The following FAT2 variants were observed in gnomAD, a reference collection of about 807,000 sequenced individuals.
FAT2 encodes protocadherin Fat 2.
In FAT2, 150 loss-of-function variants were observed where a neutral mutation model predicts 295.3. The ratio of observed to expected loss-of-function variants is 0.51; its 90% CI spans 0.44 to 0.58. The LOEUF (loss-of-function observed/expected upper bound fraction) is 0.58, where lower values mean the gene tolerates loss of function less well. Among genes scored for constraint, FAT2 ranks in the 20% least tolerant of loss-of-function variants. The pLI is 0.00. For synonymous variants in FAT2, 2,026 were observed against 2,150.3 expected (o/e 0.94, Z 1.60); for missense variants, 4,868 against 5,442.7 (o/e 0.89, Z 3.32).
In FAT2 at chr5:151,567,694, C is replaced by T. The variant is rs759158011; in HGVS notation, c.1238G>A (p.Gly413Glu). 3.7e-6 allele frequency: 6 copies of T among 1,614,090 alleles called. No homozygotes were observed. Among genetic ancestry groups the T allele is most frequent in the Non-Finnish European group, 5.1e-6 (6 of 1,180,022 alleles). The change falls in exon 2 of 24, where the codon GGG (glycine) becomes GAG (glutamate). Residue 413 changes from glycine to glutamate, a missense_variant. Gly to Glu is a moderately conservative substitution (Grantham distance 98, BLOSUM62 -2). Around this residue, in one of 5 missense-constraint regions of FAT2, gnomAD observed 3,297 missense variants for 3,669.4 expected, o/e 0.90. Transcript: ENST00000261800. Reference protein sequence around the residue: ...NVGFKLNARTGLITTTKLMDF... With the variant: ...NVGFKLNARTELITTTKLMDF... Reference sequence around the variant, plus strand: ...CATGAGCTTTGTGGTGGTGATCAACCCAGTTCGAGCATTAAGTTTAAATCC... The same window carrying T: ...CATGAGCTTTGTGGTGGTGATCAACTCAGTTCGAGCATTAAGTTTAAATCC...
intron 1 of FAT2, among the ~76,000 whole-genome samples, chr5:151,578,667 G>A (rs985804116): frequency 3.9e-5 from 6 of 152,122 alleles, no homozygotes; most frequent in African/African-American, 1.4e-4. Context: ...ATACCTGCAC[G>A]CCCATCTTTA....
In FAT2 at chr5:151,505,302, T is replaced by C; in HGVS notation, c.*263A>G. 3 of 532,560 alleles carry C rather than the reference T, an allele frequency of 5.6e-6. No individual in the cohort carries two copies. The highest frequency in any genetic ancestry group is 9.9e-6 in the Non-Finnish European group (3 of 304,164). 33.0% of individuals were successfully genotyped at this position (532,560 alleles called of 1,614,324 possible). A position where few individuals can be genotyped will look rare whatever the true frequency, so the allele number is the denominator to read the frequency against. On this transcript the variant is annotated 3_prime_UTR_variant, in exon 24 of 24. Coordinates refer to ENST00000261800, the MANE Select transcript of FAT2 (RefSeq NM_001447.3). ...TCTCGCCCACCCCGGGAGTCAATTG[T>C]TCCTGGTTTTCCAGGGTCACTGCTC...
chr5:151,537,673 A>G (rs1755593811), intron 12 of FAT2, 120 bp downstream of exon 12: 3 of 974,986 alleles, frequency 3.1e-6, no homozygotes, highest in South Asian at 1.9e-5. Context: ...TAGGGCCAAT[A>G]TATGTTTGCT....
In FAT2 at chr5:151,546,023, C is replaced by A. The variant is rs2127613695; in HGVS notation, c.5104G>T (p.Val1702Phe). ...CCAGAATATGAGTTCATAGAGAAGA[C>A]TCCATCCTTATTTCCCTCTCTTAAC... ...YELREGNKDG[V>F]FSMNSYSGLI... The change falls in exon 10 of 24, where the codon GTC becomes TTC. Residue 1702 changes from valine to phenylalanine, a missense_variant. Physicochemically the swap from Val to Phe is conservative, Grantham distance 50. Coordinates refer to ENST00000261800, the MANE Select transcript of FAT2 (RefSeq NM_001447.3). 2 of 1,614,156 alleles carry A rather than the reference C, an allele frequency of 1.2e-6. No homozygotes were observed. The highest frequency in any genetic ancestry group is 1.7e-6 in the Non-Finnish European group (2 of 1,180,038).
At chr5:151,564,476 A>C (rs893343569) in intron 2 of FAT2, among the ~76,000 whole-genome samples, 1 of 152,390 alleles carries the variant, frequency 6.6e-6, no homozygotes, top group African/African-American at 2.4e-5. Flanking sequence ...ATTAAGAGAC[A>C]AAGGTTGCTG....
Position 151,566,564 on chromosome 5 carries a change from C to T in FAT2, c.2368G>A (p.Val790Ile), listed in dbSNP as rs1384324061. ...YEATNFYILN[V>I]TVYDLGTPQK... ...GGTGTGCCCAGGTCATATACTGTTA[C>T]ATTGAGGATGTAGAAATTGGTGGCT... Residue 790 changes from valine (V) to isoleucine (I), a missense_variant, in exon 2 of 24, where the codon GTA (valine) becomes ATA (isoleucine). Coordinates refer to ENST00000261800, the MANE Select transcript of FAT2 (RefSeq NM_001447.3). The T allele has an allele frequency of 6.2e-7, 1 of 1,614,102 alleles. No individual in the cohort carries two copies.
At position 151,550,670 on chromosome 5, in the gene FAT2, CCAG is replaced by C. The variant is rs1396652242; in HGVS notation, c.4495_4497del (p.Leu1499del). On this transcript the variant is annotated inframe_deletion, in exon 8 of 24. Transcript: ENST00000261800. ...GTTACCAGGACACCACTGCTTGGGT[CCAG>C]CTGGAAGAGGCTGGCACTTCCTGGG... 6.2e-7 allele frequency: 1 copy of C among 1,614,084 alleles called. No individual in the cohort carries two copies. The highest frequency in any genetic ancestry group is 8.5e-7 in the Non-Finnish European group (1 of 1,180,046).
At chr5:151,534,367 C>G (rs777068936) in intron 13 of FAT2, 42 bp downstream of exon 13, 1 of 1,499,550 alleles carries the variant, frequency 6.7e-7, no homozygotes, top group Admixed American at 1.9e-5. Context: ...CAAGGTGACC[C>G]AGGAGATCAT....
rs2127648234 is a variant in FAT2 at position 151,567,579 on chromosome 5, G to A, written c.1353C>T (p.Cys451=). The A allele has an allele frequency of 1.9e-6, 3 of 1,614,194 alleles. No homozygotes were observed. Among genetic ancestry groups the A allele is most frequent in the South Asian group, 2.2e-5 (2 of 91,078 alleles). The change falls in exon 2 of 24, where the codon TGC becomes TGT. Residue 451 remains cysteine (C), a synonymous_variant. Coordinates refer to ENST00000261800, the MANE Select transcript of FAT2 (RefSeq NM_001447.3). The part of the protein sequence containing the change: ...STVVVIDIVD[C]NNHAPLFNRS... ...TGTTGAAGAGGGGGGCATGGTTGTT[G>A]CAGTCCACAATGTCAATGACCACCA...
rs558311208 is a variant in FAT2 at position 151,564,651 on chromosome 5, G to C, written c.3260-1012C>G. ...CAGTAGTGGGCACTCGAACAGTGCT[G>C]ACTTACACTTACTTTCCTTGAAACT... On this transcript the variant is annotated intron_variant, in intron 2 of 23. Coordinates refer to ENST00000261800, the MANE Select transcript of FAT2 (RefSeq NM_001447.3). Among the ~76,000 whole-genome samples the C allele has an allele frequency of 2.0e-5, 3 of 152,282 alleles. No individual in the cohort carries two copies. In the South Asian group the frequency reaches 6.2e-4, roughly 32 times the overall value.
intron 9 of FAT2, among the ~76,000 whole-genome samples, chr5:151,548,130 G>C (rs1756835211): frequency 6.6e-6 from 1 of 152,046 alleles, no homozygotes. Flanking sequence ...TATGGCAACT[G>C]TTTCTTCCAA....
intron 3 of FAT2, among the ~76,000 whole-genome samples, chr5:151,562,140 A>T (rs35957412): frequency 4.6e-5 from 7 of 151,790 alleles, no homozygotes; most frequent in Admixed American, 6.6e-5. Flanking sequence ...AAATGTTACC[A>T]GGCAAATAGG....
At position 151,575,664 on chromosome 5, in the gene FAT2, T is replaced by A. The variant is rs560043869; in HGVS notation, c.-20-6713A>T. On this transcript the variant is annotated intron_variant, in intron 1 of 23. Transcript: ENST00000261800. ...ATTGAGGCTTGGATAATTTGAAGAC[T>A]GTGCCCAGGTTCACTCGTCTAGTAG... Among the ~76,000 whole-genome samples the A allele has an allele frequency of 5.6e-4, 86 of 152,348 alleles. 1 individual carries two copies. The highest frequency in any genetic ancestry group is 9.4e-4 in the Non-Finnish European group (64 of 68,028).
In FAT2 at chr5:151,568,134, G is replaced by T; in HGVS notation, c.798C>A (p.Ser266Arg). Reference sequence around the variant, plus strand: ...CAGTGGCATAGGTGGTACCATCATTGCTGTCTGGTGGAGTCACCACCACCG... The same window carrying T: ...CAGTGGCATAGGTGGTACCATCATTTCTGTCTGGTGGAGTCACCACCACCG... ...IASVVVTPPD[S>R]NDGTTYATVL... The change falls in exon 2 of 24, where the codon AGC (serine) becomes AGA (arginine). Residue 266 changes from serine to arginine, a missense_variant. Coordinates refer to ENST00000261800, the MANE Select transcript of FAT2 (RefSeq NM_001447.3). 2.5e-6 allele frequency: 4 copies of T among 1,614,182 alleles called. No individual in the cohort carries two copies. Among genetic ancestry groups the T allele is most frequent in the Non-Finnish European group, 3.4e-6 (4 of 1,180,032 alleles).
chr5:151,516,727 G>A (rs1005949845), intron 20 of FAT2, among the ~76,000 whole-genome samples: 9 of 152,198 alleles, frequency 5.9e-5, no homozygotes, highest in Non-Finnish European at 1.0e-4. Flanking sequence ...ACCTAGGACA[G>A]TGCCTGTCAC....
chr5:151,509,961 A>C (rs1431011291), intron 22 of FAT2, 60 bp downstream of exon 22: 11 of 1,580,292 alleles, frequency 7.0e-6, no homozygotes, highest in Non-Finnish European at 9.5e-6. Context: ...TCTAGAGGTC[A>C]GAGTACAGAG....
At chr5:151,518,922 G>T (rs761201546) in intron 19 of FAT2, among the ~76,000 whole-genome samples, 1 of 152,206 alleles carries the variant, frequency 6.6e-6, no homozygotes, top group Admixed American at 6.5e-5. Flanking sequence ...CTTGTCAGTT[G>T]TCAGGGGAGA....
chr5:151,522,227 GAAAA>G (rs5872209), intron 18 of FAT2, 141 bp from the exon 19 acceptor site: 1 of 498,424 alleles, frequency 2.0e-6, no homozygotes, highest in South Asian at 3.8e-5. Flanking sequence ...GTTGCATTTA[GAAAA>G]AAAAAACCTA....
intron 2 of FAT2, 29 bp from the exon 3 acceptor site, chr5:151,563,668 AT>A (rs769178618): frequency 3.1e-6 from 5 of 1,596,182 alleles, no homozygotes; most frequent in Non-Finnish European, 4.3e-6. Flanking sequence ...CAAACCCAAA[AT>A]ACTTTAGAGC....
Sources: allele counts gnomAD v4.1 joint callset (sites outside exome capture counted in the v4.1 genomes callset), GRCh38; gene constraint gnomAD v4.1.1; regional missense constraint gnomAD v4.1.1; transcripts MANE v1.5; gene names NCBI Gene and HGNC (gene_info 2026-07-23, HGNC 2026-07-21).